Variants in PLCZ1 observed in about 807,000 individuals in gnomAD.
The protein encoded by PLCZ1 is phospholipase C zeta 1, also known as 1-phosphatidylinositol 4,5-bisphosphate phosphodiesterase zeta-1.
In PLCZ1, 64 loss-of-function variants were observed where a neutral mutation model predicts 76.8. The ratio of observed to expected loss-of-function variants is 0.83; its 90% CI spans 0.68 to 1.03. The LOEUF is 1.03. Ranked by LOEUF, PLCZ1 falls within the 50% of genes least tolerant of loss-of-function variation. The probability of loss-of-function intolerance (pLI) is 0.00; values close to 1 mark genes in which losing one functional copy is unlikely to be tolerated. For missense variants in PLCZ1, 751 were observed against 713.7 expected (o/e 1.05, Z -0.60); for synonymous variants, 248 against 230.8 (o/e 1.07, Z -0.68).
intron 12 of PLCZ1, among the ~76,000 whole-genome samples, chr12:18,688,539 A>C (rs2137088619): frequency 1.3e-5 from 2 of 151,302 alleles, no homozygotes; most frequent in South Asian, 4.2e-4. Context: ...CTGATAACGT[A>C]CTGTTTTTGA....
At position 18,723,581 on chromosome 12, in the gene PLCZ1, TAAAA is replaced by T. The variant is rs377648042; in HGVS notation, c.136-43_136-40del. 1.5e-4 allele frequency: 218 copies of T among 1,436,250 alleles called. 1 individual carries two copies. The East Asian group carries it at 3.8e-3, about 25-fold the overall frequency. The allele number at this position is 1,436,250 out of a possible 1,614,324, so 89.0% of individuals were successfully genotyped here. On this transcript the variant is annotated intron_variant, in intron 3 of 14. Transcript: ENST00000266505. ...GACTGGTGGGCTCACATTGTGAGTATAAAAAATACATAAAATGAATATTAGAGTA... is the reference window on the plus strand; with the variant it reads ...GACTGGTGGGCTCACATTGTGAGTATAATACATAAAATGAATATTAGAGTA...
chr12:18,670,254 G>T, the PLCZ1 span, among the ~76,000 whole-genome samples: 1 of 151,936 alleles, frequency 6.6e-6, no homozygotes, highest in Admixed American at 6.6e-5. Flanking sequence ...TTATCAGATT[G>T]CTACATTTCT....
chr12:18,683,529 A>T (rs1952636700), intron 14 of PLCZ1: 1 of 1,512,330 alleles, frequency 6.6e-7, no homozygotes, highest in African/African-American at 1.4e-5. Flanking sequence ...CCAAAACTGA[A>T]TACACAGCTC....
intron 14 of PLCZ1, 195 bp from the exon 15 acceptor site, chr12:18,683,519 C>T (rs1174180062): frequency 2.6e-6 from 4 of 1,511,926 alleles, no homozygotes; most frequent in Non-Finnish European, 3.6e-6. Flanking sequence ...TCCTAACTGC[C>T]CAAAACTGAA....
intron 3 of PLCZ1, among the ~76,000 whole-genome samples, chr12:18,728,915 C>T (rs955084492): frequency 6.6e-6 from 1 of 151,924 alleles, no homozygotes; most frequent in African/African-American, 2.4e-5. Context: ...AAACCATAAA[C>T]TTGAGGTGGA....
the PLCZ1 span, among the ~76,000 whole-genome samples, chr12:18,653,941 T>G: frequency 6.6e-6 from 1 of 152,164 alleles, no homozygotes; most frequent in Non-Finnish European, 1.5e-5. Context: ...GTCAGCCTTC[T>G]GGCTCCATGA....
rs1172243560 is a variant in PLCZ1, at chr12:18,719,500, GA to G, written c.499del (p.Ser167HisfsTer23). 17 of 1,587,266 alleles carry G rather than the reference GA, an allele frequency of 1.1e-5. No individual in the cohort carries two copies. The highest frequency in any genetic ancestry group is 1.5e-5 in the Non-Finnish European group (17 of 1,164,212). ...MTHPLNDYFI[S>X]SSHNTYLVSD... ...TACCAAATATGTGTTATGTGAAGAT[GA>G]AATAAAATAATCATTTAATGGATGA... On this transcript the variant is annotated frameshift_variant, in exon 5 of 15. Coordinates refer to ENST00000266505, the MANE Select transcript of PLCZ1 (RefSeq NM_033123.4). LOFTEE classifies it high-confidence loss of function.
At chr12:18,687,955 G>T (rs1953413126) in intron 13 of PLCZ1, 134 bp downstream of exon 13, 1 of 1,147,138 alleles carries the variant, frequency 8.7e-7, no homozygotes, top group Non-Finnish European at 1.2e-6. Context: ...ATAACATTTT[G>T]CTAATTTTGG....
intron 7 of PLCZ1, among the ~76,000 whole-genome samples, chr12:18,703,596 T>C (rs575210797): frequency 5.9e-5 from 9 of 152,322 alleles, no homozygotes; most frequent in East Asian, 1.9e-4. Flanking sequence ...CTCTTTACAA[T>C]AGAATGTTAA....
At position 18,714,494 on chromosome 12, in the gene PLCZ1, T is replaced by C. The variant is rs545654953; in HGVS notation, c.570-1508A>G. On this transcript the variant is annotated intron_variant, in intron 5 of 14. Transcript: ENST00000266505. ...AAGAGAAGTGGAAGGCAGAAAAATG[T>C]GATCTAAAACGCGATCTTGGAAGAG... Among the ~76,000 whole-genome samples, 5 of 152,324 alleles carry C rather than the reference T, an allele frequency of 3.3e-5. No homozygotes were observed. The East Asian group carries it at 5.8e-4, about 18-fold the overall frequency.
At chr12:18,709,868 T>C (rs1379998958) in intron 6 of PLCZ1, among the ~76,000 whole-genome samples, 2 of 152,174 alleles carry the variant, frequency 1.3e-5, no homozygotes, top group African/African-American at 4.8e-5. Context: ...AGTATACAGA[T>C]CTTTCACTTC....
At chr12:18,712,698 T>C (rs956769879) in intron 6 of PLCZ1, 144 bp downstream of exon 6, 4 of 986,798 alleles carry the variant, frequency 4.1e-6, no homozygotes, top group Non-Finnish European at 6.1e-6. Context: ...ATATACAACA[T>C]GGATTTCACT....
chr12:18,719,794 T>C (rs1185282470), intron 4 of PLCZ1, among the ~76,000 whole-genome samples, 162 bp from the exon 5 acceptor site: 2 of 152,116 alleles, frequency 1.3e-5, no homozygotes, highest in Non-Finnish European at 2.9e-5. Context: ...GGAAACAAAT[T>C]TTTGTAGTAA....
At chr12:18,723,237 T>C (rs894839081) in intron 4 of PLCZ1, 74 bp downstream of exon 4, 85 of 1,329,768 alleles carry the variant, frequency 6.4e-5, no homozygotes, top group Non-Finnish European at 8.3e-5. Flanking sequence ...TACTTTGCTT[T>C]GAAATAATTT....
chr12:18,667,978 A>C, the PLCZ1 span, among the ~76,000 whole-genome samples: 107,720 of 151,278 alleles, frequency 0.71, 38,893 homozygotes, highest in African/African-American at 0.8. Context: ...ACAACAACAA[A>C]AAAAAAAGGC....
chr12:18,650,864 C>A, the PLCZ1 span, among the ~76,000 whole-genome samples: 1 of 150,660 alleles, frequency 6.6e-6, no homozygotes, highest in African/African-American at 2.4e-5. Context: ...TACTCTGGTC[C>A]AACTTACTGC....
At chr12:18,668,318 C>T in the PLCZ1 span, among the ~76,000 whole-genome samples, 87,066 of 152,036 alleles carry the variant, frequency 0.57, 25,204 homozygotes, top group South Asian at 0.67. Context: ...TTTGGAAAGT[C>T]AGAGAAACTA....
chr12:18,653,266 C>T, the PLCZ1 span, among the ~76,000 whole-genome samples: 2 of 152,124 alleles, frequency 1.3e-5, no homozygotes, highest in Admixed American at 6.6e-5. Flanking sequence ...TCACATATTA[C>T]CCATGCCAAA....
chr12:18,654,733 T>C, the PLCZ1 span, among the ~76,000 whole-genome samples: 1 of 152,152 alleles, frequency 6.6e-6, no homozygotes, highest in East Asian at 1.9e-4. Context: ...AAGATTATCT[T>C]TTACATGGGA....
Sources: allele counts gnomAD v4.1 joint callset (sites outside exome capture counted in the v4.1 genomes callset), GRCh38; gene constraint gnomAD v4.1.1; transcripts MANE v1.5; gene names NCBI Gene and HGNC (gene_info 2026-07-23, HGNC 2026-07-21).